The following AK5 variants were observed in gnomAD, a reference collection of about 807,000 sequenced individuals.
AK5 encodes adenylate kinase 5, also known as adenylate kinase isoenzyme 5.
AK5 carries 27 observed loss-of-function variants against 69.5 expected under a neutral mutation model. That is an observed-to-expected ratio of 0.39 (90% confidence interval 0.29 to 0.54). AK5 has a LOEUF of 0.54. Among genes scored for constraint, AK5 ranks in the 20% least tolerant of loss-of-function variants. The probability of loss-of-function intolerance (pLI) is 0.71; values close to 1 mark genes in which losing one functional copy is unlikely to be tolerated. For synonymous variants in AK5, 260 were observed against 244.4 expected (o/e 1.06, Z -0.60); for missense variants, 531 against 700.4 (o/e 0.76, Z 2.73).
At chr1:77,364,945 A>G (rs1435879193) in intron 6 of AK5, among the ~76,000 whole-genome samples, 2 of 152,186 alleles carry the variant, frequency 1.3e-5, no homozygotes, top group East Asian at 1.9e-4. Context: ...AGGAGCCTCC[A>G]TACTGTTCTC....
intron 8 of AK5, among the ~76,000 whole-genome samples, chr1:77,471,898 A>C (rs944583378): frequency 1.3e-5 from 2 of 152,242 alleles, no homozygotes; most frequent in Non-Finnish European, 2.9e-5. Context: ...CCAGATTCTT[A>C]AGAGAATGCT....
intron 6 of AK5, among the ~76,000 whole-genome samples, chr1:77,349,103 A>G (rs1274535794): frequency 6.6e-6 from 1 of 152,186 alleles, no homozygotes; most frequent in Non-Finnish European, 1.5e-5. Flanking sequence ...CCCGTCAGGA[A>G]AATACAACAA....
chr1:77,325,196 G>A (rs1277720702), intron 5 of AK5, among the ~76,000 whole-genome samples: 9 of 145,906 alleles, frequency 6.2e-5, no homozygotes, highest in South Asian at 2.2e-4. Flanking sequence ...ATTTTTTGAC[G>A]GGGTTTCACC....
At chr1:77,316,493 A>G (rs1024270970) in intron 5 of AK5, among the ~76,000 whole-genome samples, 8 of 152,186 alleles carry the variant, frequency 5.3e-5, no homozygotes, top group African/African-American at 1.2e-4. Context: ...AAAAAACGTT[A>G]GAGATAAAAG....
chr1:77,446,243 T>A (rs1231127450), intron 8 of AK5, among the ~76,000 whole-genome samples: 3 of 152,188 alleles, frequency 2.0e-5, no homozygotes, highest in African/African-American at 7.2e-5. Context: ...TGACCATATA[T>A]GTTTGCAATT....
intron 6 of AK5, among the ~76,000 whole-genome samples, chr1:77,375,647 A>G (rs920459131): frequency 4.6e-5 from 7 of 152,198 alleles, no homozygotes; most frequent in Admixed American, 1.3e-4. Flanking sequence ...AGTATTTGCA[A>G]TATGTCATCT....
intron 8 of AK5, among the ~76,000 whole-genome samples, chr1:77,470,864 TATATATA>T (rs1654454245): frequency 7.7e-4 from 2 of 2,586 alleles, no homozygotes; most frequent in African/African-American, 1.8e-3. Context: ...TATATATATA[TATATATA>T]TATATTTTTT....
At position 77,358,288 on chromosome 1, in the gene AK5, C is replaced by T. The variant is rs567981804; in HGVS notation, c.891+17720C>T. ...ATTATTCACAAGCATGTTTACAAGGCATCAATTGGGCAATTTATTTACCCC... is the reference window on the plus strand; with the variant it reads ...ATTATTCACAAGCATGTTTACAAGGTATCAATTGGGCAATTTATTTACCCC... On this transcript the variant is annotated intron_variant, in intron 6 of 13. Coordinates refer to ENST00000354567, the MANE Select transcript of AK5 (RefSeq NM_174858.3). 1.1e-4 allele frequency among the ~76,000 whole-genome samples: 16 copies of T among 152,176 alleles called. No homozygotes were observed. In the South Asian group the frequency reaches 2.1e-3, roughly 20 times the overall value.
intron 8 of AK5, among the ~76,000 whole-genome samples, chr1:77,458,103 T>TAAAAA (rs35612924): frequency 2.4e-5 from 3 of 127,656 alleles, no homozygotes; most frequent in African/African-American, 9.1e-5. Flanking sequence ...CCCCATTTCT[T>TAAAAA]AAAAAAAAAA....
chr1:77,428,044 G>A (rs903855630), intron 8 of AK5, among the ~76,000 whole-genome samples: 1 of 152,154 alleles, frequency 6.6e-6, no homozygotes, highest in Non-Finnish European at 1.5e-5. Context: ...TCCAACAGGG[G>A]AGGTCACATT....
Position 77,410,970 on chromosome 1 carries a change from A to G in AK5, c.892-11A>G. ...TCACATTCCAAACTTGTCTGTCCTG[A>G]TTTCCCCCAGTTTGATGCCGACCGC... On this transcript the variant is annotated splice_polypyrimidine_tract_variant and intron_variant, in intron 6 of 13. Coordinates refer to ENST00000354567, the MANE Select transcript of AK5 (RefSeq NM_174858.3). 1 of 1,611,906 alleles carries G rather than the reference A, an allele frequency of 6.2e-7. No homozygotes were observed. Among genetic ancestry groups the G allele is most frequent in the Non-Finnish European group, 8.5e-7 (1 of 1,178,740 alleles).
At chr1:77,454,689 T>G (rs1260359097) in intron 8 of AK5, among the ~76,000 whole-genome samples, 2 of 152,242 alleles carry the variant, frequency 1.3e-5, no homozygotes, top group African/African-American at 4.8e-5. Flanking sequence ...ATAACACTTA[T>G]ACCCGCAGCT....
intron 8 of AK5, among the ~76,000 whole-genome samples, chr1:77,465,854 A>T (rs796258677): frequency 1.8e-4 from 27 of 152,266 alleles, no homozygotes; most frequent in African/African-American, 6.5e-4. Flanking sequence ...AGAATTTACA[A>T]AATTCTTGCG....
intron 2 of AK5, among the ~76,000 whole-genome samples, chr1:77,292,759 A>G (rs1445545187): frequency 3.9e-5 from 6 of 151,988 alleles, no homozygotes; most frequent in Admixed American, 3.3e-4. Flanking sequence ...GCATTTCATC[A>G]CCTGTGCTTG....
chr1:77,282,634 T>C, intron 1 of AK5: 1 of 1,238,376 alleles, frequency 8.1e-7, no homozygotes, highest in Non-Finnish European at 1.0e-6. Flanking sequence ...AGCAGCCTGC[T>C]CCCATCGCGC....
At chr1:77,551,766 G>A (rs1196928535) in intron 13 of AK5, among the ~76,000 whole-genome samples, 1 of 152,224 alleles carries the variant, frequency 6.6e-6, no homozygotes, top group South Asian at 2.1e-4. Context: ...TGGGCTCTAA[G>A]AACATGTTTC....
intron 8 of AK5, among the ~76,000 whole-genome samples, chr1:77,462,616 A>G (rs1181808766): frequency 6.6e-6 from 1 of 152,180 alleles, no homozygotes; most frequent in African/African-American, 2.4e-5. Flanking sequence ...TTCACATAAT[A>G]TGTTATGAAT....
intron 8 of AK5, among the ~76,000 whole-genome samples, chr1:77,473,775 C>T (rs1321241053): frequency 6.6e-6 from 1 of 152,158 alleles, no homozygotes; most frequent in Non-Finnish European, 1.5e-5. Context: ...ACGAATTCTG[C>T]ACATATGTAG....
chr1:77,363,077 A>G (rs1003009679), intron 6 of AK5, among the ~76,000 whole-genome samples: 3 of 152,098 alleles, frequency 2.0e-5, no homozygotes, highest in South Asian at 2.1e-4. Context: ...CTGGAGTCCT[A>G]TATGCAACTG....
Sources: gnomAD v4.1 joint callset for allele counts (sites outside exome capture counted in the v4.1 genomes callset) on GRCh38, gnomAD v4.1.1 for gene constraint, MANE v1.5 for transcripts, NCBI Gene and HGNC (gene_info 2026-07-23, HGNC 2026-07-21) for gene names.